The following PRRC2B variants were observed in gnomAD, a reference collection of about 807,000 sequenced individuals.
PRRC2B encodes the protein proline rich coiled-coil 2B.
In PRRC2B, 68 loss-of-function variants were observed where a neutral mutation model predicts 242.3. That is an observed-to-expected ratio of 0.28 (90% CI 0.23 to 0.34). The LOEUF (loss-of-function observed/expected upper bound fraction) is 0.34, where lower values mean the gene tolerates loss of function less well. Ranked by LOEUF, PRRC2B falls within the 10% of genes least tolerant of loss-of-function variation. PRRC2B has a pLI of 1.00. For missense variants in PRRC2B, 2,835 were observed against 2,954.8 expected, an observed-to-expected ratio of 0.96 and a Z score of 0.94; for synonymous variants, 1,228 against 1,173.6, an observed-to-expected ratio of 1.05 and a Z score of -0.95.
At chr9:131,387,905 A>G (rs1564270672) in intron 1 of PRRC2B, among the ~76,000 whole-genome samples, 1 of 150,994 alleles carries the variant, frequency 6.6e-6, no homozygotes, top group African/African-American at 2.4e-5. Flanking sequence ...AAAATTCATT[A>G]TTAGGCCAGG....
At chr9:131,417,168 G>A (rs1227846553) in intron 1 of PRRC2B, among the ~76,000 whole-genome samples, 1 of 152,054 alleles carries the variant, frequency 6.6e-6, no homozygotes, top group East Asian at 1.9e-4. Context: ...CTCTGGGGCT[G>A]GTTTTTCAAG....
At chr9:131,468,897 C>T (rs867468506) in intron 13 of PRRC2B, among the ~76,000 whole-genome samples, 1 of 152,002 alleles carries the variant, frequency 6.6e-6, no homozygotes, top group African/African-American at 2.4e-5. Context: ...GGAGTGTAGG[C>T]GAGCACTGCA....
Position 131,491,542 on chromosome 9 carries a change from C to T in PRRC2B, c.6343C>T (p.Pro2115Ser). ...TGGGGCCCCCCGAAGGATTCCTCCG[C>T]CCGGGTCCCAGCCGCCAGTCCTGAA... is the stretch of plus-strand genomic sequence containing the variant. ...SVGAPRRIPP[P>S]GSQPPVLNTS... The change falls in exon 29 of 32, where the codon CCC (proline) becomes TCC (serine). Residue 2115 changes from proline (P) to serine (S), a missense_variant. Around this residue, in one of 7 missense-constraint regions of PRRC2B, gnomAD observed 574 missense variants for 626.0 expected, o/e 0.92. Coordinates refer to ENST00000683519, the MANE Select transcript of PRRC2B (RefSeq NM_013318.4). 6.2e-7 allele frequency: 1 copy of T among 1,611,656 alleles called. No individual in the cohort carries two copies. The highest frequency in any genetic ancestry group is 8.5e-7 in the Non-Finnish European group (1 of 1,179,330).
intron 1 of PRRC2B, among the ~76,000 whole-genome samples, chr9:131,401,387 T>C (rs1206567978): frequency 6.9e-6 from 1 of 144,150 alleles, no homozygotes; most frequent in Admixed American, 6.9e-5. Context: ...TCTTTCTCCT[T>C]TTTTTTTTTT....
At chr9:131,454,945 A>C in intron 9 of PRRC2B, 131 bp from the exon 10 acceptor site, 1 of 655,616 alleles carries the variant, frequency 1.5e-6, no homozygotes, top group Non-Finnish European at 2.7e-6. Context: ...TCTGGTCTCA[A>C]ACTCCTGTCC....
At chr9:131,464,089 A>T (rs545571272) in intron 11 of PRRC2B, among the ~76,000 whole-genome samples, 2 of 151,228 alleles carry the variant, frequency 1.3e-5, no homozygotes, top group South Asian at 4.2e-4. Flanking sequence ...CTACAGGTGC[A>T]CTCCGCCATG....
intron 4 of PRRC2B, among the ~76,000 whole-genome samples, chr9:131,438,021 C>T (rs1014461201): frequency 2.0e-5 from 3 of 152,164 alleles, no homozygotes; most frequent in African/African-American, 7.2e-5. Flanking sequence ...GCACAGGGGT[C>T]ACCTTATCCA....
chr9:131,412,778 C>T (rs915292362), intron 1 of PRRC2B, among the ~76,000 whole-genome samples: 2 of 146,012 alleles, frequency 1.4e-5, no homozygotes, highest in African/African-American at 2.5e-5. Flanking sequence ...CAAGAATAAT[C>T]AAAGCATTCT....
At chr9:131,420,463 T>C (rs534277446) in intron 1 of PRRC2B, among the ~76,000 whole-genome samples, 127 of 9,332 alleles carry the variant, frequency 0.014, 1 homozygote, top group South Asian at 0.048. Context: ...TTTTCTTTCT[T>C]TCTTTCTTTC....
intron 1 of PRRC2B, among the ~76,000 whole-genome samples, chr9:131,378,808 T>C (rs1836718600): frequency 6.6e-6 from 1 of 152,144 alleles, no homozygotes; most frequent in Non-Finnish European, 1.5e-5. Flanking sequence ...GCAAACTGCC[T>C]CCCATGTTTA....
intron 5 of PRRC2B, 150 bp from the exon 6 acceptor site, chr9:131,444,035 G>T (rs1838701751): frequency 1.2e-6 from 1 of 805,614 alleles, no homozygotes. Flanking sequence ...CAGCACCCTC[G>T]TGGCATCTGC....
chr9:131,494,022 A>G lies in PRRC2B; in HGVS notation c.6474-383A>G, dbSNP rs1014906919. On this transcript the variant is annotated intron_variant, in intron 30 of 31. Transcript: ENST00000683519. The surrounding 1 kb of genome is among the most constrained non-coding windows in gnomAD (Gnocchi z 4.3). ...ACAATACTCGGCACAGTTCTGGCTC[A>G]GCGTCAGGCTTCTAGGCCTTTTGTC... Among the ~76,000 whole-genome samples, 1 of 152,236 alleles carries G rather than the reference A, an allele frequency of 6.6e-6. No homozygotes were observed. Among genetic ancestry groups the G allele is most frequent in the Non-Finnish European group, 1.5e-5 (1 of 68,042 alleles).
chr9:131,495,011 G>C (rs920477974), intron 31 of PRRC2B, among the ~76,000 whole-genome samples: 3 of 152,176 alleles, frequency 2.0e-5, no homozygotes, highest in Admixed American at 6.5e-5. Context: ...CCCCTCAGAC[G>C]TGGGTTTTTA....
At chr9:131,480,351 A>G (rs573756364) in intron 19 of PRRC2B, among the ~76,000 whole-genome samples, 3 of 152,354 alleles carry the variant, frequency 2.0e-5, no homozygotes, top group South Asian at 2.1e-4. Flanking sequence ...AAGGAAGCAC[A>G]ACCATTTGAT....
At chr9:131,484,153 C>T (rs541533828) in intron 23 of PRRC2B, among the ~76,000 whole-genome samples, 1 of 152,220 alleles carries the variant, frequency 6.6e-6, no homozygotes, top group Non-Finnish European at 1.5e-5. Context: ...CGGGGATCTG[C>T]AGGAAGCGGG....
In PRRC2B at chr9:131,464,907, G is replaced by A. The variant is rs774895506; in HGVS notation, c.1549G>A (p.Ala517Thr). The stretch of plus-strand genomic sequence containing the variant: ...GCGCCGGGAAGAAGAGGAGCGCCGA[G>A]CCCGGGAGGAGAGGCTGGCCGCCTG... ...RKRREEEERR[A>T]REERLAACAA... Residue 517 changes from alanine to threonine, a missense_variant, in exon 12 of 32, where the codon GCC (alanine) becomes ACC (threonine). Ala to Thr is a moderately conservative substitution (Grantham distance 58, BLOSUM62 0). Around this residue, in one of 7 missense-constraint regions of PRRC2B, gnomAD observed 626 missense variants for 685.5 expected, o/e 0.91. Coordinates refer to ENST00000683519, the MANE Select transcript of PRRC2B (RefSeq NM_013318.4). 24 of 1,613,622 alleles carry A rather than the reference G, an allele frequency of 1.5e-5. No homozygotes were observed. In the East Asian group the frequency reaches 5.3e-4, roughly 36 times the overall value.
In PRRC2B at chr9:131,475,744, C is replaced by T. The variant is rs1410846905; in HGVS notation, c.3615C>T (p.Leu1205=). ...SRGPRAFGRA[L]PPRLSNCGYG... Reference sequence around the variant, plus strand: ...GCCCTCGGGCCTTTGGGCGAGCCCTCCCTCCCCGGCTGAGCAATTGCGGGT... The same window carrying T: ...GCCCTCGGGCCTTTGGGCGAGCCCTTCCTCCCCGGCTGAGCAATTGCGGGT... Residue 1205 remains leucine, a synonymous_variant, in exon 16 of 32, where the codon CTC becomes CTT. Transcript: ENST00000683519. 2.5e-6 allele frequency: 4 copies of T among 1,613,264 alleles called. No homozygotes were observed. In the African/African-American group the frequency reaches 4.0e-5, roughly 16 times the overall value.
intron 1 of PRRC2B, among the ~76,000 whole-genome samples, chr9:131,420,935 C>A (rs888312022): frequency 6.6e-6 from 1 of 152,168 alleles, no homozygotes; most frequent in Non-Finnish European, 1.5e-5. Flanking sequence ...AGTTCATCAT[C>A]ATCTTGCAAT....
Position 131,478,458 on chromosome 9 carries a change from T to G in PRRC2B, c.4613-16T>G. 6.2e-7 allele frequency: 1 copy of G among 1,612,096 alleles called. No homozygotes were observed. Among genetic ancestry groups the G allele is most frequent in the Non-Finnish European group, 8.5e-7 (1 of 1,178,326 alleles). ...TGAGTGGAAAGACTGTTCCTTCTCG[T>G]GAAATCTTGGTTCAGGTGCCATCAT... On this transcript the variant is annotated splice_polypyrimidine_tract_variant and intron_variant, in intron 17 of 31. Transcript: ENST00000683519.
Sources: allele counts gnomAD v4.1 joint callset (sites outside exome capture counted in the v4.1 genomes callset), GRCh38; gene constraint gnomAD v4.1.1; regional missense constraint gnomAD v4.1.1; non-coding constraint Gnocchi (gnomAD v3.1); transcripts MANE v1.5; gene names NCBI Gene and HGNC (gene_info 2026-07-23, HGNC 2026-07-21).